Variants in NCOA2 observed in about 807,000 individuals in gnomAD.
NCOA2 encodes the protein class E basic helix-loop-helix protein 75.
Under a neutral mutation model 145.1 loss-of-function variants are expected in NCOA2, and 21 were observed. That is an observed-to-expected ratio of 0.14 (90% CI 0.10 to 0.21). The LOEUF is 0.21. Ranked by LOEUF, NCOA2 falls within the 10% of genes least tolerant of loss-of-function variation. NCOA2 has a pLI of 1.00. For missense variants in NCOA2, 1,472 were observed against 1,837.6 expected, an observed-to-expected ratio of 0.80 and a Z score of 3.64; for synonymous variants, 619 against 637.5, an observed-to-expected ratio of 0.97 and a Z score of 0.44.
At position 70,211,172 on chromosome 8, in the gene NCOA2, A is replaced by G. The variant is rs1397930692; in HGVS notation, c.259+2731T>C. Among the ~76,000 whole-genome samples the G allele has an allele frequency of 3.3e-5, 5 of 152,154 alleles. 1 individual carries two copies. The highest frequency in any genetic ancestry group is 3.3e-4 in the Admixed American group (5 of 15,278). ...GCACCAGAAAATTCTTTTACTTTCT[A>G]CAAATAGGTCAGGCACAGTGGCTCA... On this transcript the variant is annotated intron_variant, in intron 4 of 22. Transcript: ENST00000452400.
At chr8:70,317,096 A>C (rs188142532) in intron 1 of NCOA2, among the ~76,000 whole-genome samples, 101 of 152,324 alleles carry the variant, frequency 6.6e-4, no homozygotes, top group African/African-American at 2.3e-3. Flanking sequence ...CAAGAGCTAC[A>C]GTTTTAAAGG....
chr8:70,356,303 C>CAAAAAG (rs143714012), intron 1 of NCOA2, among the ~76,000 whole-genome samples: 4,880 of 151,828 alleles, frequency 0.032, 250 homozygotes, highest in African/African-American at 0.11. Flanking sequence ...TAAATGATAC[C>CAAAAAG]AAAAAGAAAA....
intron 5 of NCOA2, among the ~76,000 whole-genome samples, chr8:70,172,882 T>C (rs188150046): frequency 1.3e-5 from 2 of 152,328 alleles, no homozygotes; most frequent in Admixed American, 6.5e-5. Flanking sequence ...CACTATGATA[T>C]GCTCTGATGA....
At position 70,285,522 on chromosome 8, in the gene NCOA2, T is replaced by C. The variant is rs564640687; in HGVS notation, c.-20+11222A>G. ...TAGCCTTCATAGCAAGATACGCACA[T>C]GGCGAAGAACACTGAGAGACAGACA... On this transcript the variant is annotated intron_variant, in intron 2 of 22. Transcript: ENST00000452400. 1.2e-4 allele frequency among the ~76,000 whole-genome samples: 18 copies of C among 152,374 alleles called. No homozygotes were observed. The South Asian group carries it at 3.7e-3, about 32-fold the overall frequency.
chr8:70,131,469 A>G (rs528882817), intron 16 of NCOA2, among the ~76,000 whole-genome samples: 149 of 152,314 alleles, frequency 9.8e-4, no homozygotes, highest in African/African-American at 3.2e-3. Context: ...CTACACTCAC[A>G]CCAACTTCCA....
At chr8:70,132,958 A>C (rs1446315446) in intron 15 of NCOA2, among the ~76,000 whole-genome samples, 7 of 152,202 alleles carry the variant, frequency 4.6e-5, no homozygotes, top group Non-Finnish European at 2.9e-5. Context: ...TGCAAATTAT[A>C]TTTGTTATTA....
the NCOA2 span, among the ~76,000 whole-genome samples, chr8:70,433,343 TAA>T: frequency 2.8e-4 from 39 of 137,994 alleles, no homozygotes; most frequent in Middle Eastern, 3.6e-3. Context: ...AGAAGTACAC[TAA>T]AAAAAAAAAA....
chr8:70,162,687 G>A lies in NCOA2; in HGVS notation c.976+24C>T, dbSNP rs117697429. ...GCTCCCACAGGAAGCAATAATTTAA[G>A]AAAAATCATTTAGAGATGCTTACCT... is the stretch of plus-strand genomic sequence containing the variant. On this transcript the variant is annotated intron_variant, in intron 9 of 22. Coordinates refer to ENST00000452400, the MANE Select transcript of NCOA2 (RefSeq NM_006540.4). 7,428 of 1,589,784 alleles carry A rather than the reference G, an allele frequency of 4.7e-3. 22 individuals are homozygous for A. Among genetic ancestry groups the A allele is most frequent in the Non-Finnish European group, 5.9e-3 (6,851 of 1,165,758 alleles).
chr8:70,126,770 G>A (rs748320145), intron 19 of NCOA2, 43 bp downstream of exon 19: 10 of 1,523,376 alleles, frequency 6.6e-6, no homozygotes, highest in Middle Eastern at 2.0e-4. Flanking sequence ...GGACACTGGG[G>A]AGAAAGGACT....
chr8:70,293,087 G>A (rs1484614347), intron 2 of NCOA2, among the ~76,000 whole-genome samples: 2 of 152,058 alleles, frequency 1.3e-5, no homozygotes, highest in African/African-American at 4.8e-5. Context: ...CTACCATGCT[G>A]TCATTTGAAG....
At chr8:70,152,417 T>C (rs566754750) in intron 11 of NCOA2, among the ~76,000 whole-genome samples, 1 of 152,350 alleles carries the variant, frequency 6.6e-6, no homozygotes, top group Non-Finnish European at 1.5e-5. Flanking sequence ...AACACAAAGT[T>C]GTTAAGAAAT....
At chr8:70,168,978 A>C (rs912839214) in intron 6 of NCOA2, among the ~76,000 whole-genome samples, 5 of 152,246 alleles carry the variant, frequency 3.3e-5, no homozygotes, top group African/African-American at 4.8e-5. Context: ...CATAAAGGAA[A>C]AGCTAGCCCG....
chr8:70,412,483 A>T, the NCOA2 span, among the ~76,000 whole-genome samples: 18 of 149,126 alleles, frequency 1.2e-4, no homozygotes, highest in South Asian at 2.1e-4. Flanking sequence ...CTCTTAGTTT[A>T]TCTCTAGTAA....
rs116657538 is a variant in NCOA2, at chr8:70,224,893, G to T, written c.-19-8129C>A. ...TAGGCATACAATATCATGGCTAGGCGCAGAGTGCCCCACTCCCTGCCCCGC... is the reference window on the plus strand; with the variant it reads ...TAGGCATACAATATCATGGCTAGGCTCAGAGTGCCCCACTCCCTGCCCCGC... On this transcript the variant is annotated intron_variant, in intron 2 of 22. Transcript: ENST00000452400. Among the ~76,000 whole-genome samples the T allele has an allele frequency of 7.6e-3, 1,149 of 151,892 alleles. 10 individuals carry two copies. Among genetic ancestry groups the T allele is most frequent in the African/African-American group, 0.026 (1,057 of 41,420 alleles).
At chr8:70,164,109 A>C (rs1813351540) in intron 7 of NCOA2, among the ~76,000 whole-genome samples, 1 of 152,208 alleles carries the variant, frequency 6.6e-6, no homozygotes, top group Non-Finnish European at 1.5e-5. Context: ...GTCTAGACGC[A>C]GATTCAGAGA....
chr8:70,231,708 G>A (rs1239539880), intron 2 of NCOA2, among the ~76,000 whole-genome samples: 3 of 152,182 alleles, frequency 2.0e-5, no homozygotes, highest in African/African-American at 7.2e-5. Context: ...AGTAGAAGCT[G>A]CTGTCCTCTC....
intron 1 of NCOA2, among the ~76,000 whole-genome samples, chr8:70,298,161 T>C (rs1054798609): frequency 6.6e-6 from 1 of 152,202 alleles, no homozygotes; most frequent in African/African-American, 2.4e-5. Context: ...CTAATTCCTT[T>C]AAGAGCCCTT....
Position 70,173,359 on chromosome 8 carries a change from G to A in NCOA2, c.363+1397C>T, listed in dbSNP as rs186260061. ...ATACAATGAATAAACACATGTATAGGGAAATTTCCCAATTGTAATAATTTA... is the reference window on the plus strand; with the variant it reads ...ATACAATGAATAAACACATGTATAGAGAAATTTCCCAATTGTAATAATTTA... On this transcript the variant is annotated intron_variant, in intron 5 of 22. Transcript: ENST00000452400. Among the ~76,000 whole-genome samples the A allele has an allele frequency of 1.2e-4, 19 of 152,072 alleles. No individual in the cohort carries two copies. The East Asian group carries it at 3.7e-3, about 29-fold the overall frequency.
intron 2 of NCOA2, among the ~76,000 whole-genome samples, chr8:70,278,818 T>C (rs192959470): frequency 2.9e-4 from 44 of 151,928 alleles, no homozygotes; most frequent in African/African-American, 9.4e-4. Context: ...ATATAAAAAA[T>C]AGCTGGGTGT....
Sources: allele counts gnomAD v4.1 joint callset (sites outside exome capture counted in the v4.1 genomes callset), GRCh38; gene constraint gnomAD v4.1.1; transcripts MANE v1.5; gene names NCBI Gene and HGNC (gene_info 2026-07-23, HGNC 2026-07-21).